MGAT4C: variants seen among roughly 807,000 people sequenced by gnomAD.
MGAT4C encodes the protein alpha-1,3-mannosyl-glycoprotein 4-beta-N-acetylglucosaminyltransferase C.
Under a neutral mutation model 40.1 loss-of-function variants are expected in MGAT4C, and 19 were observed. The ratio of observed to expected loss-of-function variants is 0.47; its 90% CI spans 0.33 to 0.70. The LOEUF (loss-of-function observed/expected upper bound fraction) is 0.70. Among genes scored for constraint, MGAT4C ranks in the 30% least tolerant of loss-of-function variants. MGAT4C has a pLI of 0.02. For synonymous variants in MGAT4C, 181 were observed against 187.1 expected (o/e 0.97, Z 0.27); for missense variants, 491 against 563.2 (o/e 0.87, Z 1.30).
At chr12:86,182,195 G>A (rs1188829295) in intron 1 of MGAT4C, among the ~76,000 whole-genome samples, 2 of 151,994 alleles carry the variant, frequency 1.3e-5, no homozygotes, top group Non-Finnish European at 2.9e-5. Context: ...TTTGAAGATA[G>A]CTTTCATTTT....
chr12:86,510,081 A>G (rs1004741819), intron 2 of MGAT4C, among the ~76,000 whole-genome samples: 4 of 152,184 alleles, frequency 2.6e-5, no homozygotes, highest in African/African-American at 9.6e-5. Flanking sequence ...TGCCCTGGCC[A>G]GAACTTCCAA....
Position 86,359,237 on chromosome 12 carries a change from T to C in MGAT4C, c.-119-25110A>G, listed in dbSNP as rs531136021. Among the ~76,000 whole-genome samples, 3 of 152,274 alleles carry C rather than the reference T, an allele frequency of 2.0e-5. No homozygotes were observed. The South Asian group carries it at 6.2e-4, about 32-fold the overall frequency. On this transcript the variant is annotated intron_variant, in intron 3 of 7. Coordinates refer to the MGAT4C transcript ENST00000548651. ...TGCTCCTGAAGGACTACTGGGTACCTAATGAAATGAAGGCAGATATAAACA... is the reference window on the plus strand; with the variant it reads ...TGCTCCTGAAGGACTACTGGGTACCCAATGAAATGAAGGCAGATATAAACA...
At chr12:86,683,384 C>A (rs2136583661) in intron 2 of MGAT4C, among the ~76,000 whole-genome samples, 1 of 152,152 alleles carries the variant, frequency 6.6e-6, no homozygotes, top group East Asian at 1.9e-4. Context: ...AACTTCTGAA[C>A]TTTACATAGT....
rs146466849 is a variant in MGAT4C, at chr12:86,637,170, A to G, written c.-229+90039T>C. ...TCATTGATTACAGTTTTTGATTCCC[A>G]TGGGCAATAGCCTCTAATCTTCTAC... On this transcript the variant is annotated intron_variant, in intron 2 of 7. Coordinates refer to the MGAT4C transcript ENST00000548651. Among the ~76,000 whole-genome samples, 196 of 152,082 alleles carry G rather than the reference A, an allele frequency of 1.3e-3. 1 individual carries two copies. Among genetic ancestry groups the G allele is most frequent in the Middle Eastern group, 6.8e-3 (2 of 294 alleles).
intron 3 of MGAT4C, among the ~76,000 whole-genome samples, chr12:86,387,703 A>G (rs1956080325): frequency 6.6e-6 from 1 of 152,158 alleles, no homozygotes; most frequent in South Asian, 2.1e-4. Context: ...GCCCATTATT[A>G]CTGAAGCTGT....
intron 2 of MGAT4C, among the ~76,000 whole-genome samples, chr12:86,445,187 G>T (rs186780461): frequency 6.6e-6 from 1 of 152,052 alleles, no homozygotes; most frequent in African/African-American, 2.4e-5. Flanking sequence ...CCTAATTTAT[G>T]CCAATTATAC....
intron 2 of MGAT4C, among the ~76,000 whole-genome samples, chr12:86,677,387 T>C (rs1043254766): frequency 6.6e-6 from 1 of 152,136 alleles, no homozygotes; most frequent in Non-Finnish European, 1.5e-5. Context: ...AACCAATGGC[T>C]ATAGAGCTAT....
intron 1 of MGAT4C, among the ~76,000 whole-genome samples, chr12:86,199,137 T>A (rs1179922776): frequency 6.6e-6 from 1 of 152,200 alleles, no homozygotes; most frequent in Non-Finnish European, 1.5e-5. Flanking sequence ...CTGCTGCTGC[T>A]GCTGCATCCC....
chr12:86,482,227 A>G (rs1175507112), intron 2 of MGAT4C, among the ~76,000 whole-genome samples: 4 of 152,040 alleles, frequency 2.6e-5, no homozygotes, highest in Non-Finnish European at 4.4e-5. Flanking sequence ...ACATTAGAAC[A>G]ACACTACACT....
At chr12:86,126,265 T>C (rs1171380591) in intron 1 of MGAT4C, among the ~76,000 whole-genome samples, 1 of 151,880 alleles carries the variant, frequency 6.6e-6, no homozygotes, top group Non-Finnish European at 1.5e-5. Flanking sequence ...ATAAAGAATA[T>C]ATATGTATAT....
At chr12:86,633,961 C>G (rs1167608178) in intron 2 of MGAT4C, among the ~76,000 whole-genome samples, 1 of 151,990 alleles carries the variant, frequency 6.6e-6, no homozygotes, top group South Asian at 2.1e-4. Flanking sequence ...ATAAATACAC[C>G]TTCCCATGGG....
chr12:86,529,865 G>C (rs1170710074), intron 2 of MGAT4C, among the ~76,000 whole-genome samples: 2 of 151,848 alleles, frequency 1.3e-5, no homozygotes, highest in Non-Finnish European at 2.9e-5. Context: ...ACATGTTCAA[G>C]TCTCATATAA....
At chr12:86,409,346 T>C (rs1057492674) in intron 3 of MGAT4C, among the ~76,000 whole-genome samples, 3 of 152,152 alleles carry the variant, frequency 2.0e-5, no homozygotes, top group Non-Finnish European at 4.4e-5. Flanking sequence ...GTAATGATAA[T>C]GCATTGGCAT....
At chr12:86,417,851 A>G in intron 3 of MGAT4C, among the ~76,000 whole-genome samples, 1 of 152,226 alleles carries the variant, frequency 6.6e-6, no homozygotes, top group East Asian at 1.9e-4. Flanking sequence ...CTTTACATAG[A>G]CTATCTAATT....
chr12:86,747,837 T>C (rs984011720), intron 1 of MGAT4C, among the ~76,000 whole-genome samples: 3 of 151,532 alleles, frequency 2.0e-5, no homozygotes, highest in East Asian at 2.0e-4. Context: ...ACGATAGACC[T>C]GAGTTGTGCG....
At chr12:86,375,123 A>T (rs997908528) in intron 3 of MGAT4C, among the ~76,000 whole-genome samples, 2 of 151,854 alleles carry the variant, frequency 1.3e-5, no homozygotes, top group African/African-American at 2.4e-5. Flanking sequence ...AATAAAATTT[A>T]AAAAAACAGT....
chr12:86,369,986 AT>A lies in MGAT4C; in HGVS notation c.-119-35860del, dbSNP rs1955685207. 2.0e-5 allele frequency among the ~76,000 whole-genome samples: 3 copies of A among 152,032 alleles called. No individual in the cohort carries two copies. The South Asian group carries it at 6.2e-4, about 32-fold the overall frequency. ...CTATTTTTTTAGTCCTAACTTACATATTTTTAGTTCATTATTATTTTGTTTT... is the reference window on the plus strand; with the variant it reads ...CTATTTTTTTAGTCCTAACTTACATATTTTAGTTCATTATTATTTTGTTTT... On this transcript the variant is annotated intron_variant, in intron 3 of 7. Coordinates refer to the MGAT4C transcript ENST00000548651.
intron 2 of MGAT4C, among the ~76,000 whole-genome samples, chr12:86,447,722 A>G (rs1294629886): frequency 6.6e-6 from 1 of 152,206 alleles, no homozygotes; most frequent in Admixed American, 6.5e-5. Context: ...GACCAAATAC[A>G]AGTTGAACAA....
At chr12:86,737,591 A>T (rs1425467631) in intron 1 of MGAT4C, among the ~76,000 whole-genome samples, 1 of 151,288 alleles carries the variant, frequency 6.6e-6, no homozygotes, top group East Asian at 1.9e-4. Context: ...TTATGTCTCC[A>T]GCTCCTAATA....
Sources: gnomAD v4.1 joint callset for allele counts (sites outside exome capture counted in the v4.1 genomes callset) on GRCh38, gnomAD v4.1.1 for gene constraint, MANE v1.5 for transcripts, NCBI Gene and HGNC (gene_info 2026-07-23, HGNC 2026-07-21) for gene names.